The following CA10 variants were observed in gnomAD, a reference collection of about 807,000 sequenced individuals.
CA10 encodes carbonic anhydrase-related protein 10.
In CA10, 14 loss-of-function variants were observed where a neutral mutation model predicts 44.2. The observed-to-expected ratio is 0.32, with a 90% CI of 0.21 to 0.50. CA10 has a LOEUF of 0.50. Ranked by LOEUF, CA10 falls within the 20% of genes least tolerant of loss-of-function variation. The pLI, the probability that CA10 is intolerant of heterozygous loss-of-function variation, is 0.99. For synonymous variants in CA10, 159 were observed against 141.6 expected, an observed-to-expected ratio of 1.12 and a Z score of -0.87; for missense variants, 350 against 409.7, an observed-to-expected ratio of 0.85 and a Z score of 1.26.
At position 51,631,615 on chromosome 17, in the gene CA10, A is replaced by G. The variant is rs1264461260; in HGVS notation, c.965-9T>C. On this transcript the variant is annotated splice_polypyrimidine_tract_variant and intron_variant, in intron 8 of 8. Coordinates refer to ENST00000451037, the MANE Select transcript of CA10 (RefSeq NM_020178.5). ...GAGGAGCCATTCATTTACTGCAAAG[A>G]GAGAGAAAGAAAAAAAAAATCACAC... 8 of 1,610,734 alleles carry G rather than the reference A, an allele frequency of 5.0e-6. No homozygotes were observed. Among genetic ancestry groups the G allele is most frequent in the Non-Finnish European group, 5.9e-6 (7 of 1,177,422 alleles).
At chr17:51,851,271 C>T (rs1382484184) in intron 3 of CA10, among the ~76,000 whole-genome samples, 1 of 152,172 alleles carries the variant, frequency 6.6e-6, no homozygotes. Context: ...CAGCCTGTAA[C>T]CTACGATGCA....
chr17:52,016,358 A>T (rs189254646), intron 2 of CA10, among the ~76,000 whole-genome samples: 2 of 152,158 alleles, frequency 1.3e-5, no homozygotes, highest in Non-Finnish European at 2.9e-5. Flanking sequence ...CATTAACTCT[A>T]TATTTCCAGT....
At chr17:51,878,318 A>G (rs985898658) in intron 3 of CA10, among the ~76,000 whole-genome samples, 2 of 152,060 alleles carry the variant, frequency 1.3e-5, no homozygotes, top group African/African-American at 4.8e-5. Context: ...TATAATTCTG[A>G]TAAGTAGACA....
intron 1 of CA10, among the ~76,000 whole-genome samples, 197 bp downstream of exon 1, chr17:52,157,529 A>AACCCCCC (rs1555571054): frequency 9.1e-6 from 1 of 110,390 alleles, no homozygotes; most frequent in Non-Finnish European, 1.8e-5. Context: ...GATCCTAACC[A>AACCCCCC]CCCCCCCCCG....
At chr17:51,714,110 C>T (rs1916024322) in intron 4 of CA10, among the ~76,000 whole-genome samples, 1 of 152,118 alleles carries the variant, frequency 6.6e-6, no homozygotes. Context: ...TGCATTTGTG[C>T]TGGTATAAGC....
At chr17:51,854,413 T>C (rs149066464) in intron 3 of CA10, among the ~76,000 whole-genome samples, 76 of 152,332 alleles carry the variant, frequency 5.0e-4, no homozygotes, top group Non-Finnish European at 9.0e-4. Context: ...GTGAAATGCA[T>C]GTCCATGCAA....
chr17:51,994,562 A>G (rs993428937), intron 2 of CA10, among the ~76,000 whole-genome samples: 5 of 151,972 alleles, frequency 3.3e-5, no homozygotes, highest in South Asian at 2.1e-4. Flanking sequence ...TGAATTTACT[A>G]TAGTTCAGTA....
At chr17:51,674,119 A>G (rs1192630205) in intron 4 of CA10, among the ~76,000 whole-genome samples, 1 of 152,170 alleles carries the variant, frequency 6.6e-6, no homozygotes, top group East Asian at 1.9e-4. Context: ...TCATATTGCA[A>G]TGATTTGTGT....
At chr17:52,112,540 A>G (rs983561270) in intron 1 of CA10, among the ~76,000 whole-genome samples, 1 of 152,244 alleles carries the variant, frequency 6.6e-6, no homozygotes, top group Admixed American at 6.5e-5. Flanking sequence ...CTTGCTCTAC[A>G]GCCAAACTCC....
At chr17:52,031,936 A>G (rs1276527511) in intron 2 of CA10, among the ~76,000 whole-genome samples, 1 of 152,234 alleles carries the variant, frequency 6.6e-6, no homozygotes, top group African/African-American at 2.4e-5. Context: ...ATTTTAACAG[A>G]GGGACCAAAA....
chr17:52,087,336 T>A (rs1988144989), intron 1 of CA10, among the ~76,000 whole-genome samples: 1 of 152,160 alleles, frequency 6.6e-6, no homozygotes, highest in Non-Finnish European at 1.5e-5. Context: ...GAGACAGAGT[T>A]TTGCCATGTT....
At chr17:52,149,905 C>A (rs900168685) in intron 1 of CA10, among the ~76,000 whole-genome samples, 3 of 152,134 alleles carry the variant, frequency 2.0e-5, no homozygotes, top group Non-Finnish European at 2.9e-5. Flanking sequence ...ATGCAAACTG[C>A]ATACTTCCTT....
intron 3 of CA10, among the ~76,000 whole-genome samples, chr17:51,836,864 T>A (rs1268910966): frequency 6.6e-6 from 1 of 152,144 alleles, no homozygotes; most frequent in Non-Finnish European, 1.5e-5. Context: ...TACTTGAGTA[T>A]AAGAGAGAGA....
intron 3 of CA10, among the ~76,000 whole-genome samples, chr17:51,918,373 A>G (rs899184385): frequency 6.6e-6 from 1 of 152,210 alleles, no homozygotes; most frequent in Non-Finnish European, 1.5e-5. Context: ...TGCTCCTTAG[A>G]TGAGATGTGA....
chr17:52,106,512 C>T (rs965209447), intron 1 of CA10, among the ~76,000 whole-genome samples: 2 of 152,098 alleles, frequency 1.3e-5, no homozygotes, highest in Admixed American at 1.3e-4. Flanking sequence ...TATGAAAATG[C>T]TATAAGTGCT....
In CA10 at chr17:51,653,624, G is replaced by T; in HGVS notation, c.561+17C>A. ...GGTGGGGATGGTGAGAAGAATGAAG[G>T]AATGCAAGAGACTTACTTTTATAAA... On this transcript the variant is annotated intron_variant, in intron 5 of 8. Transcript: ENST00000451037. 7.8e-7 allele frequency: 1 copy of T among 1,289,670 alleles called. No homozygotes were observed. The highest frequency in any genetic ancestry group is 1.1e-6 in the Non-Finnish European group (1 of 884,064). 79.9% of individuals were successfully genotyped at this position (1,289,670 alleles called of 1,614,324 possible). A position where few individuals can be genotyped will look rare whatever the true frequency, so the allele number is the denominator to read the frequency against.
At chr17:51,742,149 G>A (rs140053954) in intron 4 of CA10, among the ~76,000 whole-genome samples, 5 of 152,298 alleles carry the variant, frequency 3.3e-5, no homozygotes, top group Non-Finnish European at 7.4e-5. Context: ...AAAGGGGCTT[G>A]GGAAGCTATG....
At chr17:51,881,610 C>T (rs1211885012) in intron 3 of CA10, among the ~76,000 whole-genome samples, 1 of 151,824 alleles carries the variant, frequency 6.6e-6, no homozygotes, top group East Asian at 1.9e-4. Context: ...AAAAAAAGAA[C>T]GGGGATATGT....
intron 3 of CA10, among the ~76,000 whole-genome samples, chr17:51,845,413 C>A (rs903252771): frequency 1.3e-5 from 2 of 152,186 alleles, no homozygotes; most frequent in Admixed American, 1.3e-4. Flanking sequence ...TCTGCCATGG[C>A]CATGTGAGTG....
Sources: allele counts gnomAD v4.1 joint callset (sites outside exome capture counted in the v4.1 genomes callset), GRCh38; gene constraint gnomAD v4.1.1; transcripts MANE v1.5; gene names NCBI Gene and HGNC (gene_info 2026-07-23, HGNC 2026-07-21).